The following EPHA4 variants were observed in gnomAD, a reference collection of about 807,000 sequenced individuals.
EPHA4 encodes ephrin type-A receptor 4.
A neutral mutation model predicts 108.3 loss-of-function variants in EPHA4; 19 were observed. The ratio of observed to expected loss-of-function variants is 0.18; its 90% CI spans 0.12 to 0.26. The LOEUF (loss-of-function observed/expected upper bound fraction) is 0.26, where lower values mean the gene tolerates loss of function less well. Ranked by LOEUF, EPHA4 falls within the 10% of genes least tolerant of loss-of-function variation. The pLI, the probability that EPHA4 is intolerant of heterozygous loss-of-function variation, is 1.00. For synonymous variants in EPHA4, 449 were observed against 455.5 expected, an observed-to-expected ratio of 0.99 and a Z score of 0.18; for missense variants, 917 against 1,254.0, an observed-to-expected ratio of 0.73 and a Z score of 4.06.
intron 5 of EPHA4, among the ~76,000 whole-genome samples, chr2:221,475,345 G>A (rs1235822213): frequency 6.6e-6 from 1 of 152,176 alleles, no homozygotes; most frequent in African/African-American, 2.4e-5. Context: ...GCAAAGTTAT[G>A]ACTGAAATCC....
rs752075336 is a variant in EPHA4 at position 221,430,115 on chromosome 2, G to A, written c.2533C>T (p.Pro845Ser). Residue 845 changes from proline to serine, a missense_variant, in exon 15 of 18, where the codon CCT becomes TCT. Pro to Ser is a moderately conservative substitution (Grantham distance 74, BLOSUM62 -1). Coordinates refer to ENST00000281821, the MANE Select transcript of EPHA4 (RefSeq NM_004438.5). ...AGCGCAATGGGGCAGTCCATTGGAGGGGGTAACCGATAGCCTTCCTCAATG... is the reference window on the plus strand; with the variant it reads ...AGCGCAATGGGGCAGTCCATTGGAGAGGGTAACCGATAGCCTTCCTCAATG... Reference protein sequence around the residue: ...KAIEEGYRLPPPMDCPIALHQ... With the variant: ...KAIEEGYRLPSPMDCPIALHQ... 1.9e-6 allele frequency: 3 copies of A among 1,611,388 alleles called. No individual in the cohort carries two copies. The highest frequency in any genetic ancestry group is 2.2e-5 in the South Asian group (2 of 90,466).
At chr2:221,546,558 A>C (rs1694006159) in intron 3 of EPHA4, among the ~76,000 whole-genome samples, 1 of 152,038 alleles carries the variant, frequency 6.6e-6, no homozygotes, top group Non-Finnish European at 1.5e-5. Context: ...CTGTAAAGTG[A>C]GAAGCATGAA....
At chr2:221,530,910 C>T (rs1238448510) in intron 3 of EPHA4, among the ~76,000 whole-genome samples, 1 of 152,094 alleles carries the variant, frequency 6.6e-6, no homozygotes, top group Non-Finnish European at 1.5e-5. Context: ...CCTCCAAGTA[C>T]CCTGGAGGTC....
At position 221,430,028 on chromosome 2, in the gene EPHA4, T is replaced by G; in HGVS notation, c.2620A>C (p.Ile874Leu). 1 of 1,614,086 alleles carries G rather than the reference T, an allele frequency of 6.2e-7. No individual in the cohort carries two copies. The highest frequency in any genetic ancestry group is 8.5e-7 in the Non-Finnish European group (1 of 1,180,016). Residue 874 changes from isoleucine to leucine, a missense_variant, in exon 15 of 18, where the codon ATT becomes CTT. By Grantham distance (5) the Ile-to-Leu change is conservative. This residue lies in a region of EPHA4 where 133 missense variants were observed against 132.8 expected (regional missense o/e 1.00). Transcript: ENST00000281821. ...ERSDRPKFGQIVNMLDKLIRN... is the reference protein window; with the variant it reads ...ERSDRPKFGQLVNMLDKLIRN... The stretch of plus-strand genomic sequence containing the variant: ...ATGAGTTTGTCCAACATGTTGACAA[T>G]CTGCCCAAATTTAGGCCTGTCGCTC...
chr2:221,570,276 G>A (rs1694787071), intron 1 of EPHA4, among the ~76,000 whole-genome samples: 1 of 151,726 alleles, frequency 6.6e-6, no homozygotes, highest in Non-Finnish European at 1.5e-5. Context: ...TTAGCCTAGG[G>A]CTCTCAGAGC....
At chr2:221,484,494 T>C (rs942060069) in intron 4 of EPHA4, among the ~76,000 whole-genome samples, 1 of 152,184 alleles carries the variant, frequency 6.6e-6, no homozygotes, top group Non-Finnish European at 1.5e-5. Flanking sequence ...CACAAAAGTA[T>C]TGTAAAATTT....
intron 5 of EPHA4, among the ~76,000 whole-genome samples, chr2:221,463,453 A>G (rs2106123474): frequency 6.6e-6 from 1 of 152,294 alleles, no homozygotes; most frequent in Admixed American, 6.5e-5. Flanking sequence ...AGAGCAGACC[A>G]CAATGCACTG....
intron 3 of EPHA4, among the ~76,000 whole-genome samples, chr2:221,555,061 C>T (rs1559291647): frequency 6.6e-6 from 1 of 152,156 alleles, no homozygotes; most frequent in Non-Finnish European, 1.5e-5. Flanking sequence ...CCAAGGGATT[C>T]ACCAAGGCTG....
chr2:221,552,897 G>A (rs972368331), intron 3 of EPHA4, among the ~76,000 whole-genome samples: 4 of 152,064 alleles, frequency 2.6e-5, no homozygotes, highest in Non-Finnish European at 4.4e-5. Flanking sequence ...GAAAAATTAA[G>A]GCTGATATAA....
chr2:221,568,892 A>C, intron 1 of EPHA4, 107 bp from the exon 2 acceptor site: 1 of 765,240 alleles, frequency 1.3e-6, no homozygotes, highest in South Asian at 2.1e-5. Context: ...GTGCATATCC[A>C]ACACTGATCA....
intron 11 of EPHA4, among the ~76,000 whole-genome samples, chr2:221,440,777 C>T (rs899471134): frequency 3.9e-5 from 6 of 152,130 alleles, no homozygotes; most frequent in African/African-American, 1.4e-4. Flanking sequence ...AAGGCAAATG[C>T]TCTTTTTACC....
intron 13 of EPHA4, 76 bp downstream of exon 13, chr2:221,436,323 G>A: frequency 4.3e-6 from 6 of 1,387,464 alleles, no homozygotes; most frequent in Non-Finnish European, 6.0e-6. Context: ...AAATTACAAA[G>A]GGCTTCAATC....
chr2:221,455,419 G>A (rs1690914292), intron 8 of EPHA4, 128 bp downstream of exon 8: 1 of 701,534 alleles, frequency 1.4e-6, no homozygotes, highest in African/African-American at 1.8e-5. Flanking sequence ...GCAACAAGGA[G>A]GAAACTTGGG....
chr2:221,522,773 A>ATTT (rs1553585438), intron 3 of EPHA4, among the ~76,000 whole-genome samples: 31 of 123,180 alleles, frequency 2.5e-4, no homozygotes, highest in African/African-American at 5.2e-4. Flanking sequence ...TATTATTATT[A>ATTT]TTTTTTTGAG....
chr2:221,533,165 G>C (rs1693568307), intron 3 of EPHA4, among the ~76,000 whole-genome samples: 1 of 152,164 alleles, frequency 6.6e-6, no homozygotes, highest in Non-Finnish European at 1.5e-5. Flanking sequence ...TAAAAATGAT[G>C]GGAAAGTTAC....
chr2:221,467,425 C>G (rs1173468364), intron 5 of EPHA4, among the ~76,000 whole-genome samples: 1 of 152,138 alleles, frequency 6.6e-6, no homozygotes, highest in Non-Finnish European at 1.5e-5. Flanking sequence ...GATCCAAACA[C>G]AATATTTAGT....
At position 221,482,591 on chromosome 2, in the gene EPHA4, A is replaced by G. The variant is rs1559260327; in HGVS notation, c.1079T>C (p.Ile360Thr). Residue 360 changes from isoleucine to threonine, a missense_variant, in exon 5 of 18, where the codon ATT (isoleucine) becomes ACT (threonine). Coordinates refer to ENST00000281821, the MANE Select transcript of EPHA4 (RefSeq NM_004438.5). The stretch of plus-strand genomic sequence containing the variant: ...TTTCTTGCATACCACATTATAGGAA[A>G]TGTCCTGGCGGCCACCTGTATTCTG... ...SPQNTGGRQDISYNVVCKKCG... is the reference protein window; with the variant it reads ...SPQNTGGRQDTSYNVVCKKCG... The G allele has an allele frequency of 1.1e-5, 18 of 1,614,046 alleles. No individual in the cohort carries two copies. Among genetic ancestry groups the G allele is most frequent in the Non-Finnish European group, 1.4e-5 (17 of 1,179,974 alleles).
At chr2:221,499,872 C>T (rs1692439915) in intron 4 of EPHA4, among the ~76,000 whole-genome samples, 2 of 149,714 alleles carry the variant, frequency 1.3e-5, no homozygotes, top group Non-Finnish European at 3.0e-5. Context: ...ATTCTCCAGC[C>T]TCAGCCTCCC....
At chr2:221,462,043 G>A (rs1435890469) in intron 5 of EPHA4, among the ~76,000 whole-genome samples, 2 of 143,748 alleles carry the variant, frequency 1.4e-5, no homozygotes, top group Non-Finnish European at 3.0e-5. Flanking sequence ...AGATTGAAAA[G>A]CATTCCTATC....
Sources: allele counts gnomAD v4.1 joint callset (sites outside exome capture counted in the v4.1 genomes callset), GRCh38; gene constraint gnomAD v4.1.1; regional missense constraint gnomAD v4.1.1; transcripts MANE v1.5; gene names NCBI Gene and HGNC (gene_info 2026-07-23, HGNC 2026-07-21).